The following ARHGAP12 variants were observed in gnomAD, a reference collection of about 807,000 sequenced individuals.
ARHGAP12 encodes the protein Rho GTPase activating protein 12.
ARHGAP12 carries 64 observed loss-of-function variants against 108.6 expected under a neutral mutation model. The observed-to-expected ratio is 0.59, with a 90% CI of 0.48 to 0.73. The LOEUF (loss-of-function observed/expected upper bound fraction) is 0.73. Ranked by LOEUF, ARHGAP12 falls within the 30% of genes least tolerant of loss-of-function variation. The pLI, the probability that ARHGAP12 is intolerant of heterozygous loss-of-function variation, is 0.00. For missense variants in ARHGAP12, 940 were observed against 1,005.9 expected (o/e 0.93, Z 0.89); for synonymous variants, 312 against 337.2 (o/e 0.93, Z 0.82).
At chr10:31,846,886 T>C (rs1374166199) in intron 6 of ARHGAP12, among the ~76,000 whole-genome samples, 1 of 150,224 alleles carries the variant, frequency 6.7e-6, no homozygotes, top group East Asian at 2.0e-4. Context: ...CACAGGTCTC[T>C]GAGGCACTGT....
intron 3 of ARHGAP12, among the ~76,000 whole-genome samples, chr10:31,897,490 G>C (rs1838748985): frequency 6.6e-6 from 1 of 152,062 alleles, no homozygotes; most frequent in South Asian, 2.1e-4. Flanking sequence ...TTGGGTGTGG[G>C]GTGGGGGCGC....
intron 8 of ARHGAP12, 128 bp downstream of exon 8, chr10:31,839,509 G>T: frequency 8.8e-7 from 1 of 1,140,478 alleles, no homozygotes; most frequent in Non-Finnish European, 1.2e-6. Flanking sequence ...TTTTGATTGT[G>T]ATTTTTTAGA....
chr10:31,826,313 G>A lies in ARHGAP12; in HGVS notation c.1521C>T (p.Ser507=). Residue 507 remains serine, a synonymous_variant, in exon 11 of 20, where the codon AGC becomes AGT. Coordinates refer to ENST00000344936, the MANE Select transcript of ARHGAP12 (RefSeq NM_018287.7). ...GAGAAGAAATACTTACCCAACTTGT[G>A]CTACTTCCTTGAGTTTTGGTAAAAA... ...SLLFTKTQGS[S]TSWFGSNQSK... 6.2e-7 allele frequency: 1 copy of A among 1,609,412 alleles called. No homozygotes were observed. Among genetic ancestry groups the A allele is most frequent in the South Asian group, 1.1e-5 (1 of 90,198 alleles).
At chr10:31,846,899 ATTTTTTTTTT>A (rs377177944) in intron 6 of ARHGAP12, among the ~76,000 whole-genome samples, 10 of 84,612 alleles carry the variant, frequency 1.2e-4, no homozygotes, top group African/African-American at 2.9e-4. Flanking sequence ...GGCACTGTTC[ATTTTTTTTTT>A]TTTTTTTTTT....
chr10:31,893,425 T>C (rs1838542674), intron 3 of ARHGAP12, among the ~76,000 whole-genome samples: 1 of 151,966 alleles, frequency 6.6e-6, no homozygotes, highest in Non-Finnish European at 1.5e-5. Flanking sequence ...TCACCACCGA[T>C]CCCACAGAAA....
chr10:31,873,233 T>G (rs1380370525), intron 3 of ARHGAP12, among the ~76,000 whole-genome samples: 1 of 152,260 alleles, frequency 6.6e-6, no homozygotes, highest in Non-Finnish European at 1.5e-5. Context: ...TTTATATTTT[T>G]GGACTATCTT....
In ARHGAP12 at chr10:31,887,802, T is replaced by C. The variant is rs868570087; in HGVS notation, c.684+20370A>G. Among the ~76,000 whole-genome samples, 15 of 151,904 alleles carry C rather than the reference T, an allele frequency of 9.9e-5. No individual in the cohort carries two copies. The South Asian group carries it at 1.7e-3, about 17-fold the overall frequency. On this transcript the variant is annotated intron_variant, in intron 3 of 19. Coordinates refer to ENST00000344936, the MANE Select transcript of ARHGAP12 (RefSeq NM_018287.7). The stretch of plus-strand genomic sequence containing the variant: ...CCTCCCAAGTAGCTGGGACTACAGG[T>C]GCCCACTACCACACCTGGCTAATTT...
Position 31,810,838 on chromosome 10 carries a change from A to G in ARHGAP12, c.1952-91T>C, listed in dbSNP as rs542024073. The G allele has an allele frequency of 4.3e-6, 4 of 931,984 alleles. No homozygotes were observed. In the African/African-American group the frequency reaches 6.7e-5, roughly 15 times the overall value. 57.7% of individuals were successfully genotyped at this position (931,984 alleles called of 1,614,324 possible). The stretch of plus-strand genomic sequence containing the variant: ...CATTCAGAGTGCAACAGAAACATCC[A>G]GCGTAACCAAATATTGTTTAACATG... On this transcript the variant is annotated intron_variant, in intron 15 of 19. Coordinates refer to ENST00000344936, the MANE Select transcript of ARHGAP12 (RefSeq NM_018287.7).
At chr10:31,881,151 AAAAAAAAG>A (rs1044842696) in intron 3 of ARHGAP12, among the ~76,000 whole-genome samples, 20 of 152,166 alleles carry the variant, frequency 1.3e-4, no homozygotes, top group East Asian at 3.9e-4. Flanking sequence ...AGTTCCTTAA[AAAAAAAAG>A]AAAAAAAGAA....
chr10:31,864,964 T>C (rs1300603965), intron 3 of ARHGAP12, among the ~76,000 whole-genome samples: 2 of 151,774 alleles, frequency 1.3e-5, no homozygotes, highest in Admixed American at 6.6e-5. Context: ...GCCTTAGAAA[T>C]AAATAAACAG....
rs1840187109 is a variant in ARHGAP12 at position 31,928,794 on chromosome 10, C to CGTCCCCGCAGGCTGGCCT, written c.-240_-223dup. On this transcript the variant is annotated 5_prime_UTR_variant, in exon 1 of 20. Coordinates refer to ENST00000344936, the MANE Select transcript of ARHGAP12 (RefSeq NM_018287.7). ...CACACGGCTACGGCCGCGGCCGGCC[C>CGTCCCCGCAGGCTGGCCT]GTCCCCGCAGGCTGGCCTCTGAGGG... 2 of 151,772 alleles carry CGTCCCCGCAGGCTGGCCT rather than the reference C, an allele frequency of 1.3e-5. No homozygotes were observed. Among genetic ancestry groups the CGTCCCCGCAGGCTGGCCT allele is most frequent in the African/African-American group, 4.8e-5 (2 of 41,372 alleles). 9.4% of individuals were successfully genotyped at this position (151,772 alleles called of 1,614,324 possible). A position where few individuals can be genotyped will look rare whatever the true frequency, so the allele number is the denominator to read the frequency against.
intron 1 of ARHGAP12, among the ~76,000 whole-genome samples, chr10:31,928,146 C>A (rs926114236): frequency 9.2e-5 from 14 of 151,908 alleles, no homozygotes; most frequent in Non-Finnish European, 1.6e-4. Context: ...GGGCCCAGGG[C>A]GCGGGAGGGG....
chr10:31,845,766 CAG>C (rs1448753564), intron 6 of ARHGAP12, among the ~76,000 whole-genome samples: 2 of 152,082 alleles, frequency 1.3e-5, no homozygotes, highest in African/African-American at 4.8e-5. Context: ...GCTTGGGCGA[CAG>C]AGTGATAGTC....
chr10:31,808,811 TCA>T lies in ARHGAP12; in HGVS notation c.2264-62_2264-61del, dbSNP rs1359109419. The T allele has an allele frequency of 7.1e-6, 11 of 1,560,278 alleles. No homozygotes were observed. The East Asian group carries it at 2.0e-4, about 29-fold the overall frequency. ...AATTCTTATGAAACTGAAAGCAATG[TCA>T]CAGTTTGGAAGCTGATATTTGGTAA... On this transcript the variant is annotated intron_variant, in intron 18 of 19. Coordinates refer to ENST00000344936, the MANE Select transcript of ARHGAP12 (RefSeq NM_018287.7).
chr10:31,842,033 T>C (rs566454579), intron 7 of ARHGAP12, among the ~76,000 whole-genome samples: 15 of 152,186 alleles, frequency 9.9e-5, no homozygotes, highest in African/African-American at 3.1e-4. Flanking sequence ...GATGAAAGCA[T>C]GCAAGTTATT....
chr10:31,903,156 A>T (rs969283515), intron 3 of ARHGAP12, among the ~76,000 whole-genome samples: 7 of 152,240 alleles, frequency 4.6e-5, no homozygotes, highest in Admixed American at 6.5e-5. Context: ...ACTTTCACAG[A>T]GCGTTCTTAC....
At chr10:31,872,690 T>C (rs1837585819) in intron 3 of ARHGAP12, among the ~76,000 whole-genome samples, 1 of 152,160 alleles carries the variant, frequency 6.6e-6, no homozygotes, top group Non-Finnish European at 1.5e-5. Flanking sequence ...TAAAAGCACA[T>C]ATCTGATATC....
chr10:31,906,827 G>A (rs1234127959), intron 3 of ARHGAP12, among the ~76,000 whole-genome samples: 2 of 152,164 alleles, frequency 1.3e-5, no homozygotes, highest in Non-Finnish European at 2.9e-5. Flanking sequence ...AAATTGTGGT[G>A]ATGGCTGGAT....
chr10:31,810,443 T>C (rs1240190766), intron 16 of ARHGAP12, among the ~76,000 whole-genome samples: 1 of 152,196 alleles, frequency 6.6e-6, no homozygotes, highest in African/African-American at 2.4e-5. Context: ...GTACCAAACA[T>C]TCAGCAGATG....
Sources: allele counts gnomAD v4.1 joint callset (sites outside exome capture counted in the v4.1 genomes callset), GRCh38; gene constraint gnomAD v4.1.1; transcripts MANE v1.5; gene names NCBI Gene and HGNC (gene_info 2026-07-23, HGNC 2026-07-21).